EP400: variants seen among roughly 807,000 people sequenced by gnomAD.
EP400 encodes E1A-binding protein p400.
EP400 carries 105 observed loss-of-function variants against 354.1 expected under a neutral mutation model. The observed-to-expected ratio is 0.30, with a 90% CI of 0.25 to 0.35. EP400 has a LOEUF of 0.35. Among genes scored for constraint, EP400 ranks in the 10% least tolerant of loss-of-function variants. The pLI, the probability that EP400 is intolerant of heterozygous loss-of-function variation, is 1.00. For missense variants in EP400, 3,280 were observed against 4,121.0 expected (o/e 0.80, Z 5.59); for synonymous variants, 1,646 against 1,716.9 (o/e 0.96, Z 1.02).
chr12:131,984,893 AT>A (rs1302985878), intron 5 of EP400, among the ~76,000 whole-genome samples: 1 of 151,648 alleles, frequency 6.6e-6, no homozygotes, highest in African/African-American at 2.4e-5. Flanking sequence ...CAGAGAAATG[AT>A]TTATTTCACA....
intron 51 of EP400, chr12:132,076,246 T>G: frequency 2.0e-6 from 1 of 496,040 alleles, no homozygotes. Context: ...GTCGTTTTTG[T>G]GAAAAGAAAA....
rs1223897385 is a variant in EP400 at position 131,990,383 on chromosome 12, A to T, written c.2551-253A>T. On this transcript the variant is annotated intron_variant, in intron 8 of 52. Transcript: ENST00000389561. This position sits in a 1 kb window ranked among gnomAD's most constrained non-coding sequence, Gnocchi z 4.2. ...CATTGTTTCAGGGTTAGCGTGAGTC[A>T]CCACCACGGTTACTTCTAGAGCGGT... Among the ~76,000 whole-genome samples, 4 of 152,172 alleles carry T rather than the reference A, an allele frequency of 2.6e-5. No homozygotes were observed. Among genetic ancestry groups the T allele is most frequent in the Non-Finnish European group, 5.9e-5 (4 of 68,028 alleles).
intron 47 of EP400, among the ~76,000 whole-genome samples, chr12:132,064,326 C>G (rs568302190): frequency 6.6e-6 from 1 of 152,216 alleles, no homozygotes; most frequent in Non-Finnish European, 1.5e-5. Context: ...TATAGGTTTT[C>G]TTAAAAAATT....
intron 39 of EP400, among the ~76,000 whole-genome samples, chr12:132,049,354 G>T (rs1219576693): frequency 6.6e-6 from 1 of 152,230 alleles, no homozygotes; most frequent in Non-Finnish European, 1.5e-5. Flanking sequence ...AGGATAATAG[G>T]TAGGAGGAGA....
At position 132,054,744 on chromosome 12, in the gene EP400, G is replaced by C. The variant is rs1483087878; in HGVS notation, c.7729-230G>C. On this transcript the variant is annotated intron_variant, in intron 43 of 52. Coordinates refer to ENST00000389561, the MANE Select transcript of EP400 (RefSeq NM_015409.5). The surrounding 1 kb of genome is among the most constrained non-coding windows in gnomAD (Gnocchi z 4.0). ...AGTGGGGTGAGGGTGGAGGGACAGT[G>C]GGATGGAGGGTCCCTGGGGTGGAGG... Among the ~76,000 whole-genome samples, 1 of 151,758 alleles carries C rather than the reference G, an allele frequency of 6.6e-6. No homozygotes were observed. The highest frequency in any genetic ancestry group is 1.5e-5 in the Non-Finnish European group (1 of 67,914).
intron 5 of EP400, among the ~76,000 whole-genome samples, chr12:131,983,773 G>C (rs1430756093): frequency 6.6e-6 from 1 of 152,178 alleles, no homozygotes; most frequent in Non-Finnish European, 1.5e-5. Flanking sequence ...TCTACTTCCT[G>C]GGCTTAGATG....
At chr12:132,042,760 T>A (rs1894956690) in intron 32 of EP400, among the ~76,000 whole-genome samples, 1 of 152,256 alleles carries the variant, frequency 6.6e-6, no homozygotes, top group Non-Finnish European at 1.5e-5. Context: ...AACAGTGGCA[T>A]CTCGTCATTC....
intron 1 of EP400, among the ~76,000 whole-genome samples, chr12:131,951,065 ATTTTTT>A (rs750396319): frequency 1.3e-3 from 138 of 104,178 alleles, no homozygotes; most frequent in Admixed American, 5.0e-3. Context: ...ACGCCTGGCT[ATTTTTT>A]TTTTTTTTTT....
chr12:132,069,761 A>T, intron 51 of EP400, 120 bp downstream of exon 51: 2 of 1,440,734 alleles, frequency 1.4e-6, no homozygotes, highest in Non-Finnish European at 1.9e-6. Flanking sequence ...GGTGCACTGG[A>T]GGGAAGTGTT....
At position 131,981,562 on chromosome 12, in the gene EP400, C is replaced by T. The variant is rs1034699546; in HGVS notation, c.1509C>T (p.Gly503=). The change falls in exon 4 of 53, where the codon GGC becomes GGT. Residue 503 remains glycine (G), a synonymous_variant. Coordinates refer to ENST00000389561, the MANE Select transcript of EP400 (RefSeq NM_015409.5). ...TCCAGCACCCAGGGGCGGACGCAGG[C>T]GTTCCTCTCCAGCAACTAATGCCGA... is the stretch of plus-strand genomic sequence containing the variant. The part of the protein sequence containing the change: ...VVFQHPGADA[G]VPLQQLMPTA... 4.4e-6 allele frequency: 7 copies of T among 1,601,522 alleles called. No individual in the cohort carries two copies. Among genetic ancestry groups the T allele is most frequent in the African/African-American group, 2.7e-5 (2 of 74,808 alleles).
chr12:132,071,008 A>G (rs1464454654), intron 51 of EP400, among the ~76,000 whole-genome samples: 1 of 152,134 alleles, frequency 6.6e-6, no homozygotes. Flanking sequence ...ATGACGATCT[A>G]CTTCTCCCAT....
intron 30 of EP400, among the ~76,000 whole-genome samples, chr12:132,033,465 A>G (rs1162940825): frequency 6.6e-6 from 1 of 151,962 alleles, no homozygotes; most frequent in Non-Finnish European, 1.5e-5. Context: ...GCCTGAGACT[A>G]GACAAATATG....
chr12:132,005,206 G>T (rs1188066107), intron 13 of EP400, 22 bp downstream of exon 13: 11 of 1,530,500 alleles, frequency 7.2e-6, no homozygotes, highest in Non-Finnish European at 8.8e-6. Flanking sequence ...GCCTTTGGAA[G>T]AATTCAGGGT....
rs895456427 is a variant in EP400 at position 131,985,789 on chromosome 12, G to A, written c.1930-725G>A. ...ATGCCCGGCTAATTTTGTATTTTTA[G>A]TAGAGACGAGGTTTCTCCATGTTGG... On this transcript the variant is annotated intron_variant, in intron 5 of 52. Coordinates refer to ENST00000389561, the MANE Select transcript of EP400 (RefSeq NM_015409.5). 3.3e-5 allele frequency among the ~76,000 whole-genome samples: 5 copies of A among 152,144 alleles called. No homozygotes were observed. The South Asian group carries it at 6.2e-4, about 19-fold the overall frequency.
At chr12:132,074,909 T>C (rs1340999679) in intron 51 of EP400, among the ~76,000 whole-genome samples, 1 of 152,148 alleles carries the variant, frequency 6.6e-6, no homozygotes, top group Non-Finnish European at 1.5e-5. Flanking sequence ...CTGTCTGAAA[T>C]GTGCTGCATC....
chr12:132,069,548 C>G lies in EP400; in HGVS notation c.8928C>G (p.Ala2976=), dbSNP rs1310759529. 6.2e-7 allele frequency: 1 copy of G among 1,614,244 alleles called. No individual in the cohort carries two copies. Among genetic ancestry groups the G allele is most frequent in the Non-Finnish European group, 8.5e-7 (1 of 1,180,036 alleles). Residue 2976 remains alanine (A), a synonymous_variant, in exon 51 of 53, where the codon GCC becomes GCG. Coordinates refer to ENST00000389561, the MANE Select transcript of EP400 (RefSeq NM_015409.5). ...TPGAQQKVAY[A]AQPALKTQFL... The stretch of plus-strand genomic sequence containing the variant: ...GCGCGCAGCAGAAGGTTGCCTACGC[C>G]GCGCAGCCGGCCCTTAAGACCCAGT...
chr12:132,010,660 C>T (rs73162981), intron 15 of EP400, among the ~76,000 whole-genome samples: 19,036 of 152,116 alleles, frequency 0.13, 2,411 homozygotes, highest in African/African-American at 0.32. Flanking sequence ...TTAGTTTTCT[C>T]GCCAGGCTTG....
chr12:132,020,838 A>T (rs1457457726), intron 22 of EP400, among the ~76,000 whole-genome samples: 1 of 152,212 alleles, frequency 6.6e-6, no homozygotes, highest in Non-Finnish European at 1.5e-5. Flanking sequence ...GTTTCTGTTT[A>T]CTCTGAGAAA....
chr12:132,009,620 G>A (rs970983016), intron 15 of EP400, among the ~76,000 whole-genome samples: 2 of 152,170 alleles, frequency 1.3e-5, no homozygotes, highest in African/African-American at 2.4e-5. Flanking sequence ...CACGATAGAG[G>A]CCTATCAGGC....
Sources: gnomAD v4.1 joint callset for allele counts (sites outside exome capture counted in the v4.1 genomes callset) on GRCh38, gnomAD v4.1.1 for gene constraint, Gnocchi (gnomAD v3.1) non-coding constraint, MANE v1.5 for transcripts, NCBI Gene and HGNC (gene_info 2026-07-23, HGNC 2026-07-21) for gene names.